AUTS2: variants seen among roughly 807,000 people sequenced by gnomAD.
AUTS2 encodes autism susceptibility gene 2 protein.
AUTS2 carries 17 observed loss-of-function variants against 112.4 expected under a neutral mutation model. That is an observed-to-expected ratio of 0.15 (90% confidence interval 0.10 to 0.23). AUTS2 has a LOEUF of 0.23. Ranked by LOEUF, AUTS2 falls within the 10% of genes least tolerant of loss-of-function variation. AUTS2 has a pLI of 1.00. For missense variants in AUTS2, 1,510 were observed against 1,701.6 expected (o/e 0.89, Z 1.98); for synonymous variants, 751 against 702.7 (o/e 1.07, Z -1.09).
At chr7:70,752,957 G>T (rs1335013459) in intron 6 of AUTS2, among the ~76,000 whole-genome samples, 2 of 152,154 alleles carry the variant, frequency 1.3e-5, no homozygotes, top group African/African-American at 2.4e-5. Flanking sequence ...TCAAGATTGT[G>T]GTTGATACAC....
intron 2 of AUTS2, among the ~76,000 whole-genome samples, chr7:69,907,136 TTGTC>T (rs1489468832): frequency 1.3e-5 from 2 of 152,136 alleles, no homozygotes; most frequent in South Asian, 2.1e-4. Context: ...AAACACCTAT[TTGTC>T]TGGAAACCAA....
intron 2 of AUTS2, among the ~76,000 whole-genome samples, chr7:70,086,941 T>C (rs1803638010): frequency 6.6e-6 from 1 of 151,904 alleles, no homozygotes. Flanking sequence ...TTTTTTTTTT[T>C]TAATCTGGAT....
chr7:70,590,339 C>T (rs1008239017), intron 5 of AUTS2, among the ~76,000 whole-genome samples: 2 of 152,120 alleles, frequency 1.3e-5, no homozygotes, highest in Admixed American at 6.6e-5. Context: ...TTGCCAAGTT[C>T]ACGGGCTGGT....
intron 5 of AUTS2, among the ~76,000 whole-genome samples, chr7:70,558,429 C>T (rs539910494): frequency 9.9e-5 from 15 of 152,280 alleles, no homozygotes; most frequent in African/African-American, 3.6e-4. Flanking sequence ...AGAGCACTGA[C>T]ATCCACATGT....
chr7:70,192,457 G>A (rs1024341697), intron 4 of AUTS2, among the ~76,000 whole-genome samples: 1 of 152,142 alleles, frequency 6.6e-6, no homozygotes, highest in African/African-American at 2.4e-5. Context: ...TCTGATATGT[G>A]GAGCAAACAA....
rs1311469359 is a variant in AUTS2 at position 70,095,819 on chromosome 7, C to T, written c.523-22313C>T. Among the ~76,000 whole-genome samples, 4 of 152,140 alleles carry T rather than the reference C, an allele frequency of 2.6e-5. No individual in the cohort carries two copies. In the East Asian group the frequency reaches 5.8e-4, roughly 22 times the overall value. On this transcript the variant is annotated intron_variant, in intron 2 of 18. Coordinates refer to ENST00000342771, the MANE Select transcript of AUTS2 (RefSeq NM_015570.4). ...GTTAAAATCAGTGGTTTGCCATTTACGAGGAATAAACTGGCCATGTTTAGT... is the reference window on the plus strand; with the variant it reads ...GTTAAAATCAGTGGTTTGCCATTTATGAGGAATAAACTGGCCATGTTTAGT...
chr7:70,288,021 T>C (rs953910715), intron 4 of AUTS2, among the ~76,000 whole-genome samples: 21 of 152,204 alleles, frequency 1.4e-4, no homozygotes, highest in African/African-American at 5.1e-4. Flanking sequence ...TTTAGCTGAA[T>C]AGTAAAACAA....
intron 4 of AUTS2, among the ~76,000 whole-genome samples, chr7:70,394,203 T>C (rs971696415): frequency 6.6e-6 from 1 of 152,204 alleles, no homozygotes; most frequent in Non-Finnish European, 1.5e-5. Flanking sequence ...TGGTACTTTT[T>C]TTTCCCCTAC....
At chr7:69,850,806 A>G (rs563955735) in intron 1 of AUTS2, among the ~76,000 whole-genome samples, 2 of 152,224 alleles carry the variant, frequency 1.3e-5, no homozygotes, top group African/African-American at 2.4e-5. Context: ...TTGGCTTTTC[A>G]TTATTATAAC....
chr7:70,395,778 G>GCACA (rs1330920090), intron 4 of AUTS2, among the ~76,000 whole-genome samples: 82 of 152,284 alleles, frequency 5.4e-4, no homozygotes, highest in African/African-American at 1.6e-3. Flanking sequence ...TTGGGAATGT[G>GCACA]TTCCCAACTC....
At chr7:70,551,128 G>A (rs978316564) in intron 5 of AUTS2, among the ~76,000 whole-genome samples, 1 of 152,116 alleles carries the variant, frequency 6.6e-6, no homozygotes, top group African/African-American at 2.4e-5. Flanking sequence ...ATAACCCAAA[G>A]TATAAAATAA....
chr7:70,112,118 A>G (rs775214428), intron 2 of AUTS2, among the ~76,000 whole-genome samples: 6 of 151,890 alleles, frequency 4.0e-5, no homozygotes, highest in South Asian at 2.1e-4. Flanking sequence ...CATTAAGTCC[A>G]TGAGTTAACT....
chr7:70,216,267 C>T (rs578008826), intron 4 of AUTS2, among the ~76,000 whole-genome samples: 4 of 152,294 alleles, frequency 2.6e-5, no homozygotes, highest in African/African-American at 7.2e-5. Flanking sequence ...AGTGTTGGAA[C>T]GAAATATGGA....
At chr7:70,583,102 G>A (rs555911532) in intron 5 of AUTS2, among the ~76,000 whole-genome samples, 254 of 152,302 alleles carry the variant, frequency 1.7e-3, no homozygotes, top group Non-Finnish European at 3.1e-3. Flanking sequence ...CCTTGGGGCC[G>A]CCCCTGGCTG....
At chr7:70,657,979 C>A (rs754634783) in intron 5 of AUTS2, among the ~76,000 whole-genome samples, 4 of 152,074 alleles carry the variant, frequency 2.6e-5, no homozygotes, top group African/African-American at 9.7e-5. Flanking sequence ...CCTGTTCACA[C>A]GGATATATTT....
chr7:70,553,199 G>A (rs1235519548), intron 5 of AUTS2, among the ~76,000 whole-genome samples: 2 of 152,166 alleles, frequency 1.3e-5, no homozygotes, highest in South Asian at 4.1e-4. Flanking sequence ...CGTATTTTAG[G>A]GGATACATTC....
intron 2 of AUTS2, among the ~76,000 whole-genome samples, chr7:70,026,103 G>T (rs1379343562): frequency 6.6e-6 from 1 of 152,160 alleles, no homozygotes; most frequent in Non-Finnish European, 1.5e-5. Flanking sequence ...CACAGAAGAT[G>T]GGCGCTGCAG....
chr7:69,816,068 C>G (rs1185919913), intron 1 of AUTS2, among the ~76,000 whole-genome samples: 1 of 152,160 alleles, frequency 6.6e-6, no homozygotes, highest in Non-Finnish European at 1.5e-5. Context: ...AGCCTTTTGC[C>G]TCTGAAATCA....
At chr7:69,880,099 G>T (rs1484034633) in intron 1 of AUTS2, among the ~76,000 whole-genome samples, 1 of 152,174 alleles carries the variant, frequency 6.6e-6, no homozygotes, top group African/African-American at 2.4e-5. Context: ...GAGGCTTCAG[G>T]AAATCTTCAT....
Sources: allele counts gnomAD v4.1 joint callset (sites outside exome capture counted in the v4.1 genomes callset), GRCh38; gene constraint gnomAD v4.1.1; transcripts MANE v1.5; gene names NCBI Gene and HGNC (gene_info 2026-07-23, HGNC 2026-07-21).